SCFD1: variants seen among roughly 807,000 people sequenced by gnomAD.
The protein encoded by SCFD1 is sec1 family domain containing 1, also known as sec1 family domain-containing protein 1.
Under a neutral mutation model 103.2 loss-of-function variants are expected in SCFD1, and 37 were observed. The observed-to-expected ratio is 0.36, with a 90% confidence interval of 0.28 to 0.47. The LOEUF (loss-of-function observed/expected upper bound fraction) is 0.47. SCFD1 is among the 20% of genes least tolerant of loss of function. The pLI is 1.00. For synonymous variants in SCFD1, 264 were observed against 245.0 expected (o/e 1.08, Z -0.73); for missense variants, 639 against 761.2 (o/e 0.84, Z 1.89).
intron 18 of SCFD1, among the ~76,000 whole-genome samples, chr14:30,706,990 T>C (rs896023797): frequency 2.0e-5 from 3 of 152,204 alleles, no homozygotes. Flanking sequence ...CAAGGATTAC[T>C]TTCTCTTGCT....
At chr14:30,679,432 C>T (rs751811057) in intron 14 of SCFD1, among the ~76,000 whole-genome samples, 18 of 152,068 alleles carry the variant, frequency 1.2e-4, no homozygotes, top group Non-Finnish European at 1.3e-4. Flanking sequence ...TCAGAAAATA[C>T]TGTATTTTAC....
chr14:30,667,582 A>G (rs570019241), intron 10 of SCFD1, among the ~76,000 whole-genome samples: 47 of 152,304 alleles, frequency 3.1e-4, no homozygotes, highest in African/African-American at 1.1e-3. Context: ...AAAGAAATAA[A>G]GGGTATTCAA....
intron 1 of SCFD1, among the ~76,000 whole-genome samples, chr14:30,624,748 G>A (rs1273048849): frequency 6.6e-6 from 1 of 152,140 alleles, no homozygotes; most frequent in African/African-American, 2.4e-5. Context: ...AAAAGCCAAA[G>A]TGATCTTACA....
At chr14:30,652,926 T>C (rs923842079) in intron 9 of SCFD1, among the ~76,000 whole-genome samples, 3 of 152,242 alleles carry the variant, frequency 2.0e-5, no homozygotes, top group African/African-American at 7.2e-5. Flanking sequence ...GGAGGATTAC[T>C]TGAGCCTGGG....
chr14:30,730,940 A>T lies in SCFD1; in HGVS notation c.1837-3850A>T, dbSNP rs554785534. Among the ~76,000 whole-genome samples the T allele has an allele frequency of 4.5e-4, 69 of 152,086 alleles. 2 individuals are homozygous for T. The Middle Eastern group carries it at 0.02, about 45-fold the overall frequency. The stretch of plus-strand genomic sequence containing the variant: ...AGTCCTTGCCCATGTCTATGTCCTG[A>T]ATGGTATTGCCTAGGTTTTCTTCTA... On this transcript the variant is annotated intron_variant, in intron 23 of 24. Coordinates refer to ENST00000458591, the MANE Select transcript of SCFD1 (RefSeq NM_016106.4).
intron 22 of SCFD1, among the ~76,000 whole-genome samples, 172 bp downstream of exon 22, chr14:30,722,089 T>G (rs551972288): frequency 6.6e-6 from 1 of 152,286 alleles, no homozygotes; most frequent in East Asian, 1.9e-4. Flanking sequence ...TATTTTAAGC[T>G]TAAAAATAAC....
At chr14:30,698,679 T>TA (rs1161687806) in intron 15 of SCFD1, among the ~76,000 whole-genome samples, 1 of 151,922 alleles carries the variant, frequency 6.6e-6, no homozygotes, top group Non-Finnish European at 1.5e-5. Flanking sequence ...TTGCGGCAGT[T>TA]ACGGCAGGAA....
intron 6 of SCFD1, among the ~76,000 whole-genome samples, chr14:30,642,899 T>C (rs1050837622): frequency 6.6e-6 from 1 of 152,166 alleles, no homozygotes; most frequent in Non-Finnish European, 1.5e-5. Flanking sequence ...AGGCAGGGTG[T>C]GGTGGCTCAT....
chr14:30,730,006 C>T (rs529264891), intron 23 of SCFD1, among the ~76,000 whole-genome samples: 11 of 152,256 alleles, frequency 7.2e-5, no homozygotes, highest in Admixed American at 2.0e-4. Flanking sequence ...TTTCTCTCCC[C>T]GCTTCCCTTA....
intron 23 of SCFD1, among the ~76,000 whole-genome samples, chr14:30,724,558 T>C (rs1241614676): frequency 6.6e-6 from 1 of 151,980 alleles, no homozygotes; most frequent in Non-Finnish European, 1.5e-5. Flanking sequence ...TGGGCTGGGG[T>C]AGTTTTTTCT....
intron 16 of SCFD1, among the ~76,000 whole-genome samples, chr14:30,701,566 ATC>A (rs1891080890): frequency 6.6e-6 from 1 of 152,082 alleles, no homozygotes; most frequent in Admixed American, 6.6e-5. Flanking sequence ...AAAAAAAAGT[ATC>A]TCTCTCATCA....
In SCFD1 at chr14:30,629,175, A is replaced by T. The variant is rs189725507; in HGVS notation, c.132+896A>T. 9.7e-4 allele frequency among the ~76,000 whole-genome samples: 147 copies of T among 152,238 alleles called. 1 individual carries two copies. The highest frequency in any genetic ancestry group is 3.7e-3 in the East Asian group (19 of 5,186). On this transcript the variant is annotated intron_variant, in intron 2 of 24. Transcript: ENST00000458591. ...CAAATTTTTGTCAGATACTTTTCCT[A>T]CCCATCACTTTTTATATCATTAAAA...
At chr14:30,725,724 G>T (rs1415827878) in intron 23 of SCFD1, among the ~76,000 whole-genome samples, 1 of 152,030 alleles carries the variant, frequency 6.6e-6, no homozygotes, top group Admixed American at 6.6e-5. Context: ...ATACTATGTT[G>T]AATAGCAGTG....
At chr14:30,702,472 A>C in intron 17 of SCFD1, 97 bp downstream of exon 17, 1 of 687,022 alleles carries the variant, frequency 1.5e-6, no homozygotes, top group South Asian at 2.5e-5. Context: ...AAAACTGAAC[A>C]ATGCCTTGGT....
intron 23 of SCFD1, among the ~76,000 whole-genome samples, chr14:30,732,005 C>T (rs903316563): frequency 6.6e-6 from 1 of 152,074 alleles, no homozygotes; most frequent in African/African-American, 2.4e-5. Flanking sequence ...ATAAATAGCT[C>T]TTATTATTTT....
intron 10 of SCFD1, among the ~76,000 whole-genome samples, chr14:30,666,160 G>A (rs1307212001): frequency 6.6e-6 from 1 of 152,150 alleles, no homozygotes; most frequent in Non-Finnish European, 1.5e-5. Flanking sequence ...TGGTAGTAAA[G>A]CACTCCTCAG....
chr14:30,692,320 GAC>G (rs1566635452), intron 14 of SCFD1, among the ~76,000 whole-genome samples: 1 of 152,102 alleles, frequency 6.6e-6, no homozygotes, highest in Non-Finnish European at 1.5e-5. Flanking sequence ...GTTTTAGAAA[GAC>G]ACATAAACAA....
chr14:30,666,578 C>CA (rs1245035970), intron 10 of SCFD1, among the ~76,000 whole-genome samples: 3 of 151,494 alleles, frequency 2.0e-5, no homozygotes, highest in African/African-American at 7.3e-5. Flanking sequence ...GATAGAGACA[C>CA]AAAAAACCCT....
chr14:30,665,643 G>A (rs1887882573), intron 10 of SCFD1, among the ~76,000 whole-genome samples: 1 of 152,094 alleles, frequency 6.6e-6, no homozygotes, highest in African/African-American at 2.4e-5. Context: ...GTATTCAGGA[G>A]ACCCATCACA....
Sources: allele counts gnomAD v4.1 joint callset (sites outside exome capture counted in the v4.1 genomes callset), GRCh38; gene constraint gnomAD v4.1.1; transcripts MANE v1.5; gene names NCBI Gene and HGNC (gene_info 2026-07-23, HGNC 2026-07-21).